Variants in PSMD6 observed in about 807,000 individuals in gnomAD.
PSMD6 encodes the protein proteasome 26S subunit, non-ATPase 6.
In PSMD6, 7 loss-of-function variants were observed where a neutral mutation model predicts 44.9. The observed-to-expected ratio is 0.16, with a 90% CI of 0.09 to 0.29. The LOEUF (loss-of-function observed/expected upper bound fraction) is 0.29, where lower values mean the gene tolerates loss of function less well. Ranked by LOEUF, PSMD6 falls within the 10% of genes least tolerant of loss-of-function variation. PSMD6 has a pLI of 1.00. For synonymous variants in PSMD6, 184 were observed against 172.7 expected (o/e 1.07, Z -0.51); for missense variants, 420 against 482.6 (o/e 0.87, Z 1.21).
intron 2 of PSMD6, among the ~76,000 whole-genome samples, chr3:64,021,241 C>T (rs2076125413): frequency 6.6e-6 from 1 of 152,134 alleles, no homozygotes; most frequent in Non-Finnish European, 1.5e-5. Context: ...AACAGCTGAA[C>T]AGGCAAATAA....
Position 64,018,972 on chromosome 3 carries a change from C to A in PSMD6, c.563G>T (p.Cys188Phe), listed in dbSNP as rs945627470. Residue 188 changes from cysteine (C) to phenylalanine (F), a missense_variant, in exon 4 of 8, where the codon TGT (cysteine) becomes TTT (phenylalanine). This residue lies in a region of PSMD6 where 216 missense variants were observed against 227.0 expected (regional missense o/e 0.95). Transcript: ENST00000295901. ...CTGTTTGAAATCACGAATAGCCACA[C>A]AATAAAGACCCTGATACACTTTTAG... Reference protein sequence around the residue: ...NRLKVYQGLYCVAIRDFKQAA... With the variant: ...NRLKVYQGLYFVAIRDFKQAA... 2.0e-5 allele frequency: 32 copies of A among 1,612,794 alleles called. No individual in the cohort carries two copies. The highest frequency in any genetic ancestry group is 2.7e-5 in the Non-Finnish European group (32 of 1,178,952).
intron 1 of PSMD6, chr3:64,022,900 T>C: frequency 6.7e-7 from 1 of 1,484,338 alleles, no homozygotes; most frequent in Admixed American, 2.1e-5. Context: ...CGAACCCAAA[T>C]TTCCCTTCCA....
chr3:64,023,466 C>A lies in PSMD6; in HGVS notation c.-47G>T. 1 of 1,512,852 alleles carries A rather than the reference C, an allele frequency of 6.6e-7. No individual in the cohort carries two copies. The highest frequency in any genetic ancestry group is 8.9e-7 in the Non-Finnish European group (1 of 1,123,030). The allele number at this position is 1,512,852 out of a possible 1,614,324, so 93.7% of individuals were successfully genotyped here. ...TGACAGGACACAACTTGGTTACGAC[C>A]GGCTGCGGCAGCGGAAGCGGGAGGA... On this transcript the variant is annotated 5_prime_UTR_variant, in exon 1 of 8. Transcript: ENST00000295901.
intron 6 of PSMD6, chr3:64,012,931 G>C (rs2075984254): frequency 6.6e-6 from 1 of 152,222 alleles, no homozygotes. Flanking sequence ...AGTGTGAAAA[G>C]GGAGCTGTAA....
At chr3:64,012,473 T>C (rs1048371203) in intron 6 of PSMD6, 1 of 152,218 alleles carries the variant, frequency 6.6e-6, no homozygotes, top group African/African-American at 2.4e-5. Flanking sequence ...CTTACTCTAT[T>C]TCTTATATAA....
In PSMD6 at chr3:64,022,360, T is replaced by C. The variant is rs200473776; in HGVS notation, c.309A>G (p.Ala103=). ...AGAGGTACTCGGCCTTTGCCATCAT[T>C]GCATCGCGAATTTCGCTCTCTCCTA... ...KNLGESEIRD[A]MMAKAEYLCR... is the part of the protein sequence containing the mutation. The change falls in exon 2 of 8, where the codon GCA becomes GCG. Residue 103 remains alanine (A), a synonymous_variant. Transcript: ENST00000295901. The C allele has an allele frequency of 6.8e-6, 11 of 1,614,272 alleles. No individual in the cohort carries two copies. The African/African-American group carries it at 1.2e-4, about 18-fold the overall frequency.
intron 2 of PSMD6, among the ~76,000 whole-genome samples, chr3:64,020,091 A>G (rs2076106248): frequency 6.6e-6 from 1 of 152,232 alleles, no homozygotes; most frequent in African/African-American, 2.4e-5. Context: ...GGAGAAATAG[A>G]TAATTCTACG....
intron 2 of PSMD6, among the ~76,000 whole-genome samples, chr3:64,021,654 C>G: frequency 6.6e-6 from 1 of 151,734 alleles, no homozygotes; most frequent in Non-Finnish European, 1.5e-5. Context: ...ACTAATAATA[C>G]AAAAAAATTA....
At position 64,011,029 on chromosome 3, in the gene PSMD6, A is replaced by G. The variant is rs571120847; in HGVS notation, c.996-74T>C. ...AGAAAAATGCAAACGGCATTAAAAT[A>G]CTGTCTTAAATTTGTAACAAACATT... On this transcript the variant is annotated intron_variant, in intron 6 of 7. Coordinates refer to ENST00000295901, the MANE Select transcript of PSMD6 (RefSeq NM_014814.3). The G allele has an allele frequency of 1.4e-5, 17 of 1,222,156 alleles. No individual in the cohort carries two copies. In the East Asian group the frequency reaches 3.7e-4, roughly 27 times the overall value. The allele number at this position is 1,222,156 out of a possible 1,614,324, so 75.7% of individuals were successfully genotyped here.
rs1264281758 is a variant in PSMD6, at chr3:64,022,384, T to C, written c.285A>G (p.Leu95=). Residue 95 remains leucine, a synonymous_variant, in exon 2 of 8, where the codon CTA becomes CTG. Transcript: ENST00000295901. ...TTGCATCGCGAATTTCGCTCTCTCC[T>C]AGATTCTTCTCTGCATCTTCCAGCT... is the stretch of plus-strand genomic sequence containing the variant. ...DEELEDAEKN[L]GESEIRDAMM... The C allele has an allele frequency of 1.2e-6, 2 of 1,614,266 alleles. No individual in the cohort carries two copies. Among genetic ancestry groups the C allele is most frequent in the Non-Finnish European group, 8.5e-7 (1 of 1,180,050 alleles).
chr3:64,019,080 A>C (rs374089072), intron 3 of PSMD6, 43 bp from the exon 4 acceptor site: 1 of 1,522,762 alleles, frequency 6.6e-7, no homozygotes, highest in Non-Finnish European at 9.0e-7. Context: ...GAAACAGACA[A>C]GGCCACGTTT....
intron 2 of PSMD6, 122 bp downstream of exon 2, chr3:64,022,196 C>A (rs2076143631): frequency 9.1e-7 from 1 of 1,094,424 alleles, no homozygotes; most frequent in African/African-American, 1.6e-5. Context: ...TACAAGCAAG[C>A]ATGATTACCT....
chr3:64,017,817 C>T (rs756046326), intron 5 of PSMD6: 3 of 152,186 alleles, frequency 2.0e-5, no homozygotes, highest in Non-Finnish European at 2.9e-5. Context: ...TAACCAAACA[C>T]CTTCTGAAAT....
At chr3:64,023,798 C>CT (rs1226458481), upstream of PSMD6, 3 of 1,476,298 alleles carry the variant, frequency 2.0e-6, no homozygotes, top group Non-Finnish European at 2.7e-6. Flanking sequence ...TTAATAAAAA[C>CT]AATCACCATA....
intron 5 of PSMD6, chr3:64,014,158 A>C (rs1173011486): frequency 6.6e-6 from 1 of 152,294 alleles, no homozygotes; most frequent in African/African-American, 2.4e-5. Context: ...TAAACTAGAA[A>C]ATTTATAACG....
chr3:64,011,077 T>A, intron 6 of PSMD6, 122 bp from the exon 7 acceptor site: 6 of 763,844 alleles, frequency 7.9e-6, no homozygotes, highest in Non-Finnish European at 1.3e-5. Flanking sequence ...AAGCTTGTTA[T>A]TGCACATGCA....
chr3:64,022,915 C>A, intron 1 of PSMD6: 3 of 1,463,652 alleles, frequency 2.0e-6, no homozygotes, highest in Admixed American at 2.1e-5. Context: ...CTTCCACAGG[C>A]AAGCTGAACT....
At chr3:64,013,323 T>C (rs1345924295) in intron 6 of PSMD6, 116 bp downstream of exon 6, 1 of 1,086,818 alleles carries the variant, frequency 9.2e-7, no homozygotes, top group Admixed American at 2.6e-5. Flanking sequence ...AAAAAACCTC[T>C]CCCCTCCCCG....
chr3:64,015,814 T>C (rs2076033833), intron 5 of PSMD6: 1 of 152,232 alleles, frequency 6.6e-6, no homozygotes, highest in African/African-American at 2.4e-5. Flanking sequence ...TTCTTCTTTA[T>C]ATGATACTGT....
Sources: allele counts gnomAD v4.1 joint callset (sites outside exome capture counted in the v4.1 genomes callset), GRCh38; gene constraint gnomAD v4.1.1; regional missense constraint gnomAD v4.1.1; transcripts MANE v1.5; gene names NCBI Gene and HGNC (gene_info 2026-07-23, HGNC 2026-07-21).